The following TNFRSF13B variants were observed in gnomAD, a reference collection of about 807,000 sequenced individuals.
TNFRSF13B encodes the protein tumor necrosis factor receptor superfamily member 13B.
Under a neutral mutation model 24.0 loss-of-function variants are expected in TNFRSF13B, and 34 were observed. That is an observed-to-expected ratio of 1.41 (90% CI 1.08 to 1.88). The LOEUF (loss-of-function observed/expected upper bound fraction) is 1.88. TNFRSF13B is among the 40% of genes most tolerant of loss of function. TNFRSF13B has a pLI of 0.00. For missense variants in TNFRSF13B, 415 were observed against 380.8 expected, an observed-to-expected ratio of 1.09 and a Z score of -0.75; for synonymous variants, 173 against 150.3, an observed-to-expected ratio of 1.15 and a Z score of -1.10.
chr17:16,949,065 T>TAAA, intron 2 of TNFRSF13B, 82 bp from the exon 3 acceptor site: 2 of 1,319,662 alleles, frequency 1.5e-6, no homozygotes, highest in Non-Finnish European at 2.1e-6. Context: ...ACATCAAAGT[T>TAAA]AAAAAAAAAA....
At position 16,941,037 on chromosome 17, in the gene TNFRSF13B, T is replaced by A. The variant is rs1348898819; in HGVS notation, c.446-526A>T. On this transcript the variant is annotated intron_variant, in intron 3 of 4. Coordinates refer to ENST00000261652, the MANE Select transcript of TNFRSF13B (RefSeq NM_012452.3). ...TGCATATAACCTATGCACATCCTCC[T>A]ATACAATTAGAGTCATCTCTAGATT... 8.8e-6 allele frequency: 6 copies of A among 679,698 alleles called. No homozygotes were observed. The East Asian group carries it at 5.7e-4, about 64-fold the overall frequency. The allele number at this position is 679,698 out of a possible 1,614,324, so 42.1% of individuals were successfully genotyped here.
intron 1 of TNFRSF13B, among the ~76,000 whole-genome samples, chr17:16,969,319 G>A (rs1430184543): frequency 1.3e-5 from 2 of 152,122 alleles, no homozygotes; most frequent in Non-Finnish European, 2.9e-5. Context: ...TCCATCCACC[G>A]ATGACTGGAA....
chr17:16,956,882 A>C (rs1390427816), intron 1 of TNFRSF13B, among the ~76,000 whole-genome samples: 1 of 152,204 alleles, frequency 6.6e-6, no homozygotes, highest in Non-Finnish European at 1.5e-5. Flanking sequence ...TAGGTGGAGC[A>C]CAGAGGATTT....
chr17:16,949,382 A>C (rs557357514), intron 2 of TNFRSF13B, among the ~76,000 whole-genome samples: 2 of 152,328 alleles, frequency 1.3e-5, no homozygotes, highest in East Asian at 3.9e-4. Flanking sequence ...AGCCTCATCA[A>C]GGAGAAATAT....
chr17:16,963,727 T>A (rs1001329215), intron 1 of TNFRSF13B, among the ~76,000 whole-genome samples: 2 of 152,132 alleles, frequency 1.3e-5, no homozygotes, highest in African/African-American at 2.4e-5. Flanking sequence ...TTTTTTTGTA[T>A]TTTTAGTAGA....
chr17:16,950,174 T>C (rs769895018), intron 2 of TNFRSF13B, among the ~76,000 whole-genome samples: 1 of 152,232 alleles, frequency 6.6e-6, no homozygotes, highest in Non-Finnish European at 1.5e-5. Context: ...TTGGAGACAG[T>C]GCAGGATAGT....
At chr17:16,954,471 C>G (rs73980239) in intron 1 of TNFRSF13B, among the ~76,000 whole-genome samples, 7,472 of 152,252 alleles carry the variant, frequency 0.049, 467 homozygotes, top group African/African-American at 0.15. Context: ...CTCCTGAAAC[C>G]ATGCAAAGCT....
chr17:16,966,764 ATT>A (rs71152836), intron 1 of TNFRSF13B, among the ~76,000 whole-genome samples: 39 of 136,136 alleles, frequency 2.9e-4, no homozygotes, highest in African/African-American at 9.4e-4. Flanking sequence ...TTACAGCAAC[ATT>A]TTTTTTTTTA....
At chr17:16,967,241 T>C (rs1414424052) in intron 1 of TNFRSF13B, among the ~76,000 whole-genome samples, 3 of 152,156 alleles carry the variant, frequency 2.0e-5, no homozygotes, top group African/African-American at 7.2e-5. Flanking sequence ...ACTAGATTGT[T>C]CTGTAGCTAT....
chr17:16,940,817 C>A, intron 3 of TNFRSF13B: 3 of 1,308,186 alleles, frequency 2.3e-6, no homozygotes, highest in South Asian at 1.6e-5. Context: ...ATGGGTGAAT[C>A]GACAGACGAA....
chr17:16,942,189 A>T (rs1340333971), intron 3 of TNFRSF13B, among the ~76,000 whole-genome samples: 1 of 152,180 alleles, frequency 6.6e-6, no homozygotes, highest in Non-Finnish European at 1.5e-5. Context: ...GTTGCACAGC[A>T]TCTGCCGTTC....
chr17:16,956,712 A>C (rs1487696549), intron 1 of TNFRSF13B, among the ~76,000 whole-genome samples: 4 of 152,398 alleles, frequency 2.6e-5, no homozygotes, highest in Non-Finnish European at 4.4e-5. Flanking sequence ...AGGCATTAAC[A>C]GACATGCAGT....
At chr17:16,953,797 C>T (rs956656810) in intron 1 of TNFRSF13B, among the ~76,000 whole-genome samples, 4 of 151,876 alleles carry the variant, frequency 2.6e-5, no homozygotes, top group Non-Finnish European at 5.9e-5. Flanking sequence ...TAGATGGAGT[C>T]TTTCTCTGTT....
At chr17:16,945,111 C>T (rs967577866) in intron 3 of TNFRSF13B, among the ~76,000 whole-genome samples, 6 of 152,200 alleles carry the variant, frequency 3.9e-5, no homozygotes, top group African/African-American at 7.2e-5. Flanking sequence ...CAGTGCACAG[C>T]GACAGTCACA....
chr17:16,952,424 C>T lies in TNFRSF13B; in HGVS notation c.199+22G>A, dbSNP rs777069540. ...GAGGAGGGTGATCACACTGTCCCCT[C>T]GGCTCAGGCCCCAGAACTCACTGCA... On this transcript the variant is annotated intron_variant, in intron 2 of 4. Transcript: ENST00000261652. The T allele has an allele frequency of 1.4e-5, 23 of 1,613,736 alleles. No individual in the cohort carries two copies. In the Admixed American group the frequency reaches 1.5e-4, roughly 11 times the overall value.
At chr17:16,944,207 AG>A (rs911162671) in intron 3 of TNFRSF13B, among the ~76,000 whole-genome samples, 1 of 152,116 alleles carries the variant, frequency 6.6e-6, no homozygotes, top group African/African-American at 2.4e-5. Context: ...TCCAGCACAG[AG>A]CCCCTCACAG....
At chr17:16,964,945 C>T (rs1238184899) in intron 1 of TNFRSF13B, among the ~76,000 whole-genome samples, 1 of 151,888 alleles carries the variant, frequency 6.6e-6, no homozygotes, top group Non-Finnish European at 1.5e-5. Context: ...TAGATCTTCT[C>T]AAGGGTGTGT....
intron 3 of TNFRSF13B, among the ~76,000 whole-genome samples, chr17:16,946,120 G>A (rs1226063440): frequency 6.6e-6 from 1 of 152,242 alleles, no homozygotes; most frequent in Non-Finnish European, 1.5e-5. Flanking sequence ...TTGTTAGGCA[G>A]CAGCAGCTAA....
chr17:16,966,825 TCTTTTTC>T (rs2087703400), intron 1 of TNFRSF13B, among the ~76,000 whole-genome samples: 1 of 128,108 alleles, frequency 7.8e-6, no homozygotes, highest in Non-Finnish European at 1.5e-5. Context: ...TTTTGTTTTT[TCTTTTTC>T]TTTTTTCTTT....
Sources: allele counts gnomAD v4.1 joint callset (sites outside exome capture counted in the v4.1 genomes callset), GRCh38; gene constraint gnomAD v4.1.1; transcripts MANE v1.5; gene names NCBI Gene and HGNC (gene_info 2026-07-23, HGNC 2026-07-21).